Variants in TENM2 observed in about 807,000 individuals in gnomAD.
TENM2 encodes teneurin-2.
In TENM2, 52 loss-of-function variants were observed where a neutral mutation model predicts 245.2. The observed-to-expected ratio is 0.21, with a 90% confidence interval of 0.17 to 0.27. TENM2 has a LOEUF of 0.27. Among genes scored for constraint, TENM2 ranks in the 10% least tolerant of loss-of-function variants. TENM2 has a pLI of 1.00. For missense variants in TENM2, 3,046 were observed against 3,666.8 expected (o/e 0.83, Z 4.37); for synonymous variants, 1,363 against 1,438.9 (o/e 0.95, Z 1.19).
At chr5:167,084,327 T>TATATATATATATATA in the TENM2 span, among the ~76,000 whole-genome samples, 7 of 23,178 alleles carry the variant, frequency 3.0e-4, no homozygotes, top group African/African-American at 6.3e-4. Context: ...GCCATTTTAG[T>TATATATATATATATA]TATATATATA....
chr5:166,994,376 GA>G, the TENM2 span, among the ~76,000 whole-genome samples: 1 of 152,104 alleles, frequency 6.6e-6, no homozygotes, highest in African/African-American at 2.4e-5. Context: ...AAATAAACAA[GA>G]GGAAAGTTTG....
At chr5:168,103,929 A>G (rs1266007174) in intron 9 of TENM2, among the ~76,000 whole-genome samples, 1 of 152,188 alleles carries the variant, frequency 6.6e-6, no homozygotes, top group East Asian at 1.9e-4. Flanking sequence ...GGTGCACCTG[A>G]GTCTCCTGCT....
At chr5:167,785,587 A>C (rs1327034994) in intron 2 of TENM2, among the ~76,000 whole-genome samples, 1 of 152,206 alleles carries the variant, frequency 6.6e-6, no homozygotes, top group African/African-American at 2.4e-5. Flanking sequence ...TCCCTTCATC[A>C]ATAGAGTAAT....
At chr5:168,110,708 T>C (rs914953635) in intron 9 of TENM2, among the ~76,000 whole-genome samples, 3 of 152,226 alleles carry the variant, frequency 2.0e-5, no homozygotes, top group Non-Finnish European at 2.9e-5. Flanking sequence ...TCCTTCAGTC[T>C]GGACTTGAGC....
intron 25 of TENM2, among the ~76,000 whole-genome samples, chr5:168,234,808 A>C (rs946576203): frequency 1.3e-5 from 2 of 152,390 alleles, no homozygotes; most frequent in South Asian, 4.1e-4. Context: ...AGATTGCAGA[A>C]GCAAGAAACA....
At chr5:168,220,303 A>T (rs545291107) in intron 23 of TENM2, among the ~76,000 whole-genome samples, 1 of 152,248 alleles carries the variant, frequency 6.6e-6, no homozygotes, top group East Asian at 1.9e-4. Context: ...AAAGAGGGGG[A>T]AAAAACATCC....
chr5:168,202,753 C>T (rs1762035676), intron 17 of TENM2, among the ~76,000 whole-genome samples: 3 of 151,838 alleles, frequency 2.0e-5, no homozygotes. Flanking sequence ...CATATTGACA[C>T]TTCTATATCT....
chr5:167,788,689 C>T (rs1359327498), intron 2 of TENM2, among the ~76,000 whole-genome samples: 1 of 152,152 alleles, frequency 6.6e-6, no homozygotes, highest in Admixed American at 6.5e-5. Context: ...ACTTAGATTT[C>T]CAGTGACATA....
the TENM2 span, among the ~76,000 whole-genome samples, chr5:167,273,117 T>TA: frequency 3.9e-5 from 6 of 152,182 alleles, no homozygotes; most frequent in Non-Finnish European, 7.4e-5. Flanking sequence ...TGAACAGTGT[T>TA]ACAGCTCATA....
intron 2 of TENM2, among the ~76,000 whole-genome samples, chr5:167,386,495 GC>G (rs1407762718): frequency 6.6e-6 from 1 of 152,024 alleles, no homozygotes; most frequent in African/African-American, 2.4e-5. Flanking sequence ...TTTTCCTTTT[GC>G]CATCCAGAAG....
intron 4 of TENM2, among the ~76,000 whole-genome samples, chr5:167,954,496 T>A (rs1487416234): frequency 6.6e-6 from 1 of 152,234 alleles, no homozygotes. Context: ...GTTTAAGTTC[T>A]GGGATACATG....
intron 2 of TENM2, among the ~76,000 whole-genome samples, chr5:167,760,939 C>T (rs1217808760): frequency 6.6e-6 from 1 of 152,162 alleles, no homozygotes; most frequent in Admixed American, 6.5e-5. Flanking sequence ...GGGTGAGCCA[C>T]CGCACCTGGC....
intron 2 of TENM2, among the ~76,000 whole-genome samples, chr5:167,587,852 A>G (rs1775609427): frequency 6.6e-6 from 1 of 152,172 alleles, no homozygotes. Flanking sequence ...TTTATATGTC[A>G]GAAAGCATTA....
At chr5:168,073,873 C>T (rs1038658779) in intron 7 of TENM2, among the ~76,000 whole-genome samples, 2 of 152,212 alleles carry the variant, frequency 1.3e-5, no homozygotes, top group African/African-American at 4.8e-5. Context: ...ACGTTGTATT[C>T]AGCCAACATT....
At chr5:167,095,275 AC>A in the TENM2 span, among the ~76,000 whole-genome samples, 1 of 152,142 alleles carries the variant, frequency 6.6e-6, no homozygotes, top group Non-Finnish European at 1.5e-5. Flanking sequence ...AAGAATCATG[AC>A]CCGCTTTGCA....
intron 9 of TENM2, among the ~76,000 whole-genome samples, chr5:168,100,262 G>A (rs1793698468): frequency 6.6e-6 from 1 of 152,130 alleles, no homozygotes; most frequent in African/African-American, 2.4e-5. Context: ...TGGAGAAATA[G>A]GAATGCCTTT....
At chr5:167,914,271 G>A (rs1267340254) in intron 3 of TENM2, among the ~76,000 whole-genome samples, 2 of 152,198 alleles carry the variant, frequency 1.3e-5, no homozygotes, top group East Asian at 1.9e-4. Flanking sequence ...GTACAAAATG[G>A]TTTGATTTGT....
At chr5:167,362,064 T>G (rs1348572477) in intron 1 of TENM2, among the ~76,000 whole-genome samples, 1 of 152,228 alleles carries the variant, frequency 6.6e-6, no homozygotes, top group East Asian at 1.9e-4. Context: ...AACAACTCTC[T>G]GTAAGTCAAC....
At chr5:168,234,866 A>G (rs192118893) in intron 25 of TENM2, among the ~76,000 whole-genome samples, 1 of 152,358 alleles carries the variant, frequency 6.6e-6, no homozygotes, top group Admixed American at 6.5e-5. Context: ...TTCCAAGATA[A>G]TCTTCCATCA....
Sources: gnomAD v4.1 joint callset for allele counts (sites outside exome capture counted in the v4.1 genomes callset) on GRCh38, gnomAD v4.1.1 for gene constraint, MANE v1.5 for transcripts, NCBI Gene and HGNC (gene_info 2026-07-23, HGNC 2026-07-21) for gene names.